Variants in PEBP4 observed in about 807,000 individuals in gnomAD.
PEBP4 encodes phosphatidylethanolamine binding protein 4, also known as phosphatidylethanolamine-binding protein 4.
PEBP4 carries 22 observed loss-of-function variants against 23.9 expected under a neutral mutation model. The observed-to-expected ratio is 0.92, with a 90% confidence interval of 0.66 to 1.31. The LOEUF (loss-of-function observed/expected upper bound fraction) is 1.31. Ranked by LOEUF, PEBP4 falls within the 40% of genes most tolerant of loss-of-function variation. PEBP4 has a pLI of 0.00. For missense variants in PEBP4, 324 were observed against 281.7 expected, an observed-to-expected ratio of 1.15 and a Z score of -1.07; for synonymous variants, 112 against 99.3, an observed-to-expected ratio of 1.13 and a Z score of -0.76.
intron 4 of PEBP4, among the ~76,000 whole-genome samples, chr8:22,811,782 C>T (rs1357529228): frequency 6.6e-6 from 1 of 152,232 alleles, no homozygotes. Flanking sequence ...CACGTTAGGT[C>T]CTCCAGGCTG....
At chr8:22,725,721 C>T (rs569822687) in intron 5 of PEBP4, among the ~76,000 whole-genome samples, 127 of 152,192 alleles carry the variant, frequency 8.3e-4, no homozygotes, top group African/African-American at 2.8e-3. Flanking sequence ...TCTTCCTTTC[C>T]AAGGAGGAGA....
chr8:22,763,777 C>T (rs1239023897), intron 4 of PEBP4, among the ~76,000 whole-genome samples: 1 of 152,208 alleles, frequency 6.6e-6, no homozygotes, highest in Non-Finnish European at 1.5e-5. Context: ...CCAAGAACTA[C>T]CATGGTTGTA....
chr8:22,780,011 C>T (rs1030666418), intron 4 of PEBP4, among the ~76,000 whole-genome samples: 30 of 151,312 alleles, frequency 2.0e-4, no homozygotes, highest in South Asian at 2.1e-4. Flanking sequence ...TGCAGTGGCA[C>T]GATCACGGCT....
At chr8:22,737,382 A>G (rs1354961946) in intron 4 of PEBP4, among the ~76,000 whole-genome samples, 4 of 152,056 alleles carry the variant, frequency 2.6e-5, no homozygotes. Flanking sequence ...CAATAATTGA[A>G]TGTTTATGTC....
At chr8:22,815,349 T>C (rs773088866) in intron 4 of PEBP4, among the ~76,000 whole-genome samples, 29 of 152,212 alleles carry the variant, frequency 1.9e-4, no homozygotes, top group Non-Finnish European at 4.1e-4. Context: ...GGTGGGGTAG[T>C]GCCTAGGCAG....
chr8:22,715,236 G>A (rs74342708), intron 6 of PEBP4, among the ~76,000 whole-genome samples: 10,885 of 152,284 alleles, frequency 0.071, 848 homozygotes, highest in African/African-American at 0.2. Flanking sequence ...AGCCTCTCCC[G>A]GTGGAGGTGT....
intron 3 of PEBP4, among the ~76,000 whole-genome samples, chr8:22,838,653 C>T (rs974151917): frequency 6.6e-6 from 1 of 152,284 alleles, no homozygotes; most frequent in Non-Finnish European, 1.5e-5. Context: ...GGGCCTCAGC[C>T]GACCCAGGAA....
In PEBP4 at chr8:22,739,918, G is replaced by A. The variant is rs527431346; in HGVS notation, c.358-12698C>T. 7.9e-5 allele frequency among the ~76,000 whole-genome samples: 12 copies of A among 152,288 alleles called. 1 individual carries two copies. Among genetic ancestry groups the A allele is most frequent in the African/African-American group, 2.9e-4 (12 of 41,564 alleles). On this transcript the variant is annotated intron_variant, in intron 4 of 6. Transcript: ENST00000256404. ...GGGCTGGGGGGATGGAGGGGGAGGGGGTGCCCAACAGCCAAGAGCCTCGAC... is the reference window on the plus strand; with the variant it reads ...GGGCTGGGGGGATGGAGGGGGAGGGAGTGCCCAACAGCCAAGAGCCTCGAC...
chr8:22,906,006 G>T (rs1164308711), intron 3 of PEBP4, among the ~76,000 whole-genome samples: 1 of 152,134 alleles, frequency 6.6e-6, no homozygotes, highest in Non-Finnish European at 1.5e-5. Context: ...CACTCTATTT[G>T]CAAGATGAAG....
At chr8:22,829,529 C>A (rs1807037995) in intron 3 of PEBP4, among the ~76,000 whole-genome samples, 1 of 152,174 alleles carries the variant, frequency 6.6e-6, no homozygotes, top group Non-Finnish European at 1.5e-5. Context: ...TTCTTCAAGG[C>A]TTGCAACTCC....
chr8:22,767,800 G>T (rs180965567), intron 4 of PEBP4, among the ~76,000 whole-genome samples: 1 of 152,132 alleles, frequency 6.6e-6, no homozygotes, highest in East Asian at 1.9e-4. Context: ...TGTTGCCCAC[G>T]CTGGGCTCGG....
Position 22,718,774 on chromosome 8 carries a change from C to T in PEBP4, c.518-5238G>A, listed in dbSNP as rs137984974. Among the ~76,000 whole-genome samples the T allele has an allele frequency of 2.3e-4, 35 of 152,132 alleles. No homozygotes were observed. In the East Asian group the frequency reaches 6.0e-3, roughly 26 times the overall value. On this transcript the variant is annotated intron_variant, in intron 6 of 6. Transcript: ENST00000256404. ...GTGTGTTTGTGTCTGTCTGTGTGTG[C>T]GCTGGTGGGGGGCAGTCTGAGGGCG...
chr8:22,892,931 A>G (rs968305876), intron 3 of PEBP4, among the ~76,000 whole-genome samples: 1 of 152,196 alleles, frequency 6.6e-6, no homozygotes, highest in African/African-American at 2.4e-5. Flanking sequence ...AGTTGAGGAG[A>G]TAGAGCTCAA....
chr8:22,840,130 C>T (rs1043589763), intron 3 of PEBP4, among the ~76,000 whole-genome samples: 1 of 152,176 alleles, frequency 6.6e-6, no homozygotes, highest in Non-Finnish European at 1.5e-5. Context: ...CAGAAAGGCT[C>T]AGAGAATCAG....
intron 4 of PEBP4, among the ~76,000 whole-genome samples, chr8:22,749,354 T>C (rs1453063476): frequency 2.0e-5 from 3 of 152,190 alleles, no homozygotes; most frequent in Admixed American, 2.0e-4. Context: ...TTTAGCTCCG[T>C]AGGCAAGACA....
intron 3 of PEBP4, among the ~76,000 whole-genome samples, chr8:22,823,716 T>C (rs981323283): frequency 6.6e-6 from 1 of 151,868 alleles, no homozygotes; most frequent in Non-Finnish European, 1.5e-5. Flanking sequence ...TCAAAGACAA[T>C]AAACTGAGGG....
chr8:22,719,354 C>T (rs916091512), intron 6 of PEBP4, among the ~76,000 whole-genome samples: 2 of 152,228 alleles, frequency 1.3e-5, no homozygotes, highest in Non-Finnish European at 2.9e-5. Flanking sequence ...GGGATTTCCC[C>T]TGCTCGCTTG....
chr8:22,783,453 A>G lies in PEBP4; in HGVS notation c.357+34184T>C, dbSNP rs73671292. Reference sequence around the variant, plus strand: ...CTGCCCTGTAGGGGTGACGCCCTCCAAAGGCAGTGGCGCAGCTGCTCCTGT... The same window carrying G: ...CTGCCCTGTAGGGGTGACGCCCTCCGAAGGCAGTGGCGCAGCTGCTCCTGT... On this transcript the variant is annotated intron_variant, in intron 4 of 6. Coordinates refer to ENST00000256404, the MANE Select transcript of PEBP4 (RefSeq NM_144962.3). 7.2e-3 allele frequency among the ~76,000 whole-genome samples: 1,104 copies of G among 152,282 alleles called. 26 individuals are homozygous for G. Among genetic ancestry groups the G allele is most frequent in the African/African-American group, 0.025 (1,052 of 41,550 alleles).
intron 3 of PEBP4, among the ~76,000 whole-genome samples, chr8:22,821,292 C>T (rs916431097): frequency 1.3e-5 from 2 of 152,146 alleles, no homozygotes; most frequent in African/African-American, 4.8e-5. Flanking sequence ...ACCCTGAAAA[C>T]TGCAATACTC....
Sources: allele counts gnomAD v4.1 joint callset (sites outside exome capture counted in the v4.1 genomes callset), GRCh38; gene constraint gnomAD v4.1.1; transcripts MANE v1.5; gene names NCBI Gene and HGNC (gene_info 2026-07-23, HGNC 2026-07-21).